GAB4: variants seen among roughly 807,000 people sequenced by gnomAD.
The protein encoded by GAB4 is GRB2 associated binding protein family member 4, also known as GRB2-associated-binding protein 4.
GAB4 carries 26 observed loss-of-function variants against 51.3 expected under a neutral mutation model. The observed-to-expected ratio is 0.51, with a 90% CI of 0.37 to 0.70. The LOEUF (loss-of-function observed/expected upper bound fraction) is 0.70. GAB4 is among the 30% of genes least tolerant of loss of function. The pLI, the probability that GAB4 is intolerant of heterozygous loss-of-function variation, is 0.00. For synonymous variants in GAB4, 329 were observed against 291.2 expected (o/e 1.13, Z -1.32); for missense variants, 759 against 734.6 (o/e 1.03, Z -0.38).
At chr22:16,985,780 C>T (rs537693542) in intron 3 of GAB4, among the ~76,000 whole-genome samples, 3 of 152,270 alleles carry the variant, frequency 2.0e-5, no homozygotes, top group Non-Finnish European at 4.4e-5. Context: ...GTTCTTTCTC[C>T]TCAAATGTGC....
intron 1 of GAB4, 140 bp from the exon 2 acceptor site, chr22:16,992,316 A>T: frequency 1.4e-6 from 1 of 706,164 alleles, no homozygotes; most frequent in Non-Finnish European, 2.4e-6. Context: ...CCAGTTTCAA[A>T]GGTGGAGAGT....
intron 2 of GAB4, among the ~76,000 whole-genome samples, chr22:16,991,349 A>C (rs11703535): frequency 0.022 from 3,347 of 151,518 alleles, 59 homozygotes; most frequent in Middle Eastern, 0.069. Flanking sequence ...CCTCAACCTT[A>C]CTGGTGAGTA....
In GAB4 at chr22:17,008,063, C is replaced by A; in HGVS notation, c.52G>T (p.Ala18Ser). The A allele has an allele frequency of 6.2e-7, 1 of 1,607,656 alleles. No individual in the cohort carries two copies. Among genetic ancestry groups the A allele is most frequent in the East Asian group, 2.2e-5 (1 of 44,696 alleles). ...PSRELCPPDP[A>S]FAPLSSWPGS... ...GGCCACGAAGACAAAGGCGCAAATGCCGGGTCAGGTGGGCACAGCTCCCGG... is the reference window on the plus strand; with the variant it reads ...GGCCACGAAGACAAAGGCGCAAATGACGGGTCAGGTGGGCACAGCTCCCGG... Residue 18 changes from alanine to serine, a missense_variant, in exon 1 of 10, where the codon GCA becomes TCA. Ala to Ser is a moderately conservative substitution (Grantham distance 99, BLOSUM62 1). This residue lies in a region of GAB4 where 83 missense variants were observed against 73.1 expected (regional missense o/e 1.14). Coordinates refer to ENST00000400588, the MANE Select transcript of GAB4 (RefSeq NM_001037814.1).
At chr22:17,006,325 A>G (rs369456595) in intron 1 of GAB4, among the ~76,000 whole-genome samples, 6 of 152,320 alleles carry the variant, frequency 3.9e-5, no homozygotes, top group African/African-American at 1.4e-4. Context: ...CACGCCAGTT[A>G]GAATGGCCAT....
chr22:16,963,496 C>T (rs1345027024), intron 9 of GAB4, among the ~76,000 whole-genome samples: 1 of 152,178 alleles, frequency 6.6e-6, no homozygotes, highest in African/African-American at 2.4e-5. Flanking sequence ...TCCACACAGT[C>T]ATCTGTCTCT....
chr22:16,971,905 C>T (rs189528098), intron 3 of GAB4, among the ~76,000 whole-genome samples: 1 of 152,178 alleles, frequency 6.6e-6, no homozygotes, highest in African/African-American at 2.4e-5. Flanking sequence ...ATTCCTTCTC[C>T]CTTTCTATTC....
chr22:16,977,990 A>G (rs2123675838), intron 3 of GAB4, among the ~76,000 whole-genome samples: 1 of 107,252 alleles, frequency 9.3e-6, no homozygotes, highest in South Asian at 3.1e-4. Flanking sequence ...CAATGAGAAC[A>G]AAGACACAAT....
At chr22:16,976,232 A>G (rs953298465) in intron 3 of GAB4, among the ~76,000 whole-genome samples, 1 of 152,222 alleles carries the variant, frequency 6.6e-6, no homozygotes, top group Non-Finnish European at 1.5e-5. Context: ...GAGCTAAAGG[A>G]GCATGTTCTA....
At chr22:16,994,337 A>T (rs2060935145) in intron 1 of GAB4, among the ~76,000 whole-genome samples, 1 of 152,212 alleles carries the variant, frequency 6.6e-6, no homozygotes, top group African/African-American at 2.4e-5. Flanking sequence ...CTTGGATTGA[A>T]AAAGATTGAA....
intron 3 of GAB4, among the ~76,000 whole-genome samples, chr22:16,971,798 G>T (rs1415031477): frequency 2.0e-5 from 3 of 152,206 alleles, no homozygotes; most frequent in Non-Finnish European, 2.9e-5. Context: ...TGGCCCAGAA[G>T]CTTAGAAAAA....
chr22:16,993,683 G>T (rs73147666), intron 1 of GAB4, among the ~76,000 whole-genome samples: 3,361 of 152,292 alleles, frequency 0.022, 59 homozygotes, highest in Middle Eastern at 0.068. Flanking sequence ...TGGTCTCACT[G>T]TAACTTCAAG....
chr22:16,963,639 G>C, intron 9 of GAB4, 86 bp downstream of exon 9: 1 of 917,764 alleles, frequency 1.1e-6, no homozygotes, highest in Admixed American at 2.0e-5. Flanking sequence ...CAGCAGCCCA[G>C]TGCTGCCGGT....
intron 1 of GAB4, among the ~76,000 whole-genome samples, chr22:17,002,997 C>G (rs376891061): frequency 6.6e-6 from 1 of 152,046 alleles, no homozygotes; most frequent in African/African-American, 2.4e-5. Flanking sequence ...ATTTACCAAG[C>G]AAATGGAAAC....
chr22:16,993,499 C>T (rs2060929334), intron 1 of GAB4, among the ~76,000 whole-genome samples: 1 of 152,150 alleles, frequency 6.6e-6, no homozygotes. Context: ...GTTATTTTCC[C>T]CCTTATCAAA....
At chr22:16,998,801 T>A (rs2123719150) in intron 1 of GAB4, among the ~76,000 whole-genome samples, 1 of 152,234 alleles carries the variant, frequency 6.6e-6, no homozygotes, top group East Asian at 1.9e-4. Context: ...ATAGCTCTTA[T>A]TAATTTGAGA....
chr22:17,001,953 C>T (rs2061001008), intron 1 of GAB4, among the ~76,000 whole-genome samples: 1 of 152,210 alleles, frequency 6.6e-6, no homozygotes, highest in Non-Finnish European at 1.5e-5. Flanking sequence ...GGCATGGGAC[C>T]CCCCGAGCCA....
intron 5 of GAB4, among the ~76,000 whole-genome samples, 163 bp downstream of exon 5, chr22:16,968,135 T>C (rs2060696793): frequency 6.6e-6 from 1 of 152,188 alleles, no homozygotes; most frequent in South Asian, 2.1e-4. Flanking sequence ...AGTATCTCAC[T>C]TATCCAAAAA....
intron 1 of GAB4, among the ~76,000 whole-genome samples, chr22:17,004,955 C>T (rs1014988197): frequency 1.3e-5 from 2 of 152,196 alleles, no homozygotes; most frequent in African/African-American, 2.4e-5. Context: ...CAAGGATGCC[C>T]TCTCTCACCA....
intron 3 of GAB4, among the ~76,000 whole-genome samples, chr22:16,986,793 C>T (rs747731912): frequency 4.6e-5 from 7 of 152,188 alleles, no homozygotes; most frequent in Admixed American, 6.5e-5. Flanking sequence ...TTGATGAAGG[C>T]GGAACTGCTG....
Sources: allele counts gnomAD v4.1 joint callset (sites outside exome capture counted in the v4.1 genomes callset), GRCh38; gene constraint gnomAD v4.1.1; regional missense constraint gnomAD v4.1.1; transcripts MANE v1.5; gene names NCBI Gene and HGNC (gene_info 2026-07-23, HGNC 2026-07-21).